Variants in PKN2 observed in about 807,000 individuals in gnomAD.
The protein encoded by PKN2 is protein kinase N2.
A neutral mutation model predicts 119.1 loss-of-function variants in PKN2; 38 were observed. The ratio of observed to expected loss-of-function variants is 0.32; its 90% CI spans 0.25 to 0.42. PKN2 has a LOEUF of 0.42. PKN2 is among the 10% of genes least tolerant of loss of function. PKN2 has a pLI of 1.00. For missense variants in PKN2, 850 were observed against 1,165.1 expected (o/e 0.73, Z 3.94); for synonymous variants, 390 against 384.9 (o/e 1.01, Z -0.15).
chr1:88,783,950 G>GT lies in PKN2; in HGVS notation c.986-688dup, dbSNP rs140214330. On this transcript the variant is annotated intron_variant, in intron 6 of 21. Transcript: ENST00000370521. ...TAAAGTTCTTTTCTGTGTTAACTAC[G>GT]TAACTATTAAACATAGTTGGTATTC... Among the ~76,000 whole-genome samples the GT allele has an allele frequency of 6.6e-3, 1,008 of 152,120 alleles. 10 individuals carry two copies. The highest frequency in any genetic ancestry group is 0.021 in the African/African-American group (852 of 41,490).
intron 1 of PKN2, among the ~76,000 whole-genome samples, chr1:88,718,461 T>C (rs1175694467): frequency 6.6e-6 from 1 of 152,226 alleles, no homozygotes; most frequent in Non-Finnish European, 1.5e-5. Flanking sequence ...TCAGTAGTTT[T>C]GTTTTGATGT....
intron 19 of PKN2, among the ~76,000 whole-genome samples, chr1:88,830,650 A>G (rs1570697680): frequency 6.6e-6 from 1 of 152,136 alleles, no homozygotes; most frequent in African/African-American, 2.4e-5. Flanking sequence ...ACTCCCTCCT[A>G]TTATAAAGCC....
intron 18 of PKN2, 72 bp from the exon 19 acceptor site, chr1:88,828,409 A>G: frequency 1.5e-6 from 2 of 1,369,976 alleles, no homozygotes; most frequent in Middle Eastern, 3.7e-4. Context: ...CCTCCCAAAG[A>G]TAGCTTTGAT....
At chr1:88,698,235 A>C (rs1336120073) in intron 1 of PKN2, among the ~76,000 whole-genome samples, 1 of 152,030 alleles carries the variant, frequency 6.6e-6, no homozygotes, top group East Asian at 1.9e-4. Context: ...CATCTTTTTA[A>C]AAGTGGGTCA....
intron 15 of PKN2, among the ~76,000 whole-genome samples, chr1:88,810,816 A>G (rs189686777): frequency 3.4e-4 from 52 of 152,160 alleles, no homozygotes; most frequent in African/African-American, 1.2e-3. Context: ...CATGTTGACC[A>G]GGCTGGTCTC....
intron 1 of PKN2, among the ~76,000 whole-genome samples, chr1:88,692,882 C>T (rs939976907): frequency 2.0e-5 from 3 of 152,126 alleles, no homozygotes; most frequent in Non-Finnish European, 4.4e-5. Context: ...ACATCGTTAT[C>T]ATCAACAGGC....
chr1:88,735,510 C>G (rs1304125011), intron 1 of PKN2, among the ~76,000 whole-genome samples: 1 of 147,710 alleles, frequency 6.8e-6, no homozygotes, highest in Non-Finnish European at 1.5e-5. Context: ...ATGATAAATT[C>G]TCTTAGTTTT....
intron 2 of PKN2, among the ~76,000 whole-genome samples, chr1:88,742,788 A>G (rs989960547): frequency 2.0e-5 from 3 of 152,046 alleles, no homozygotes; most frequent in Non-Finnish European, 4.4e-5. Context: ...ATTTAGAGAA[A>G]TTTTCCTCCT....
At chr1:88,797,517 C>T (rs777800812) in intron 8 of PKN2, among the ~76,000 whole-genome samples, 9 of 151,364 alleles carry the variant, frequency 5.9e-5, no homozygotes, top group Non-Finnish European at 1.2e-4. Flanking sequence ...TGGTGCACAC[C>T]TGTAGTCCCA....
chr1:88,816,012 C>T (rs370418694), intron 16 of PKN2, among the ~76,000 whole-genome samples: 7 of 151,702 alleles, frequency 4.6e-5, no homozygotes, highest in South Asian at 4.2e-4. Context: ...TGGTGGCAGG[C>T]GCCTGTAATC....
At chr1:88,688,807 A>G (rs755910764) in intron 1 of PKN2, among the ~76,000 whole-genome samples, 1 of 152,216 alleles carries the variant, frequency 6.6e-6, no homozygotes, top group Non-Finnish European at 1.5e-5. Context: ...TAGGTGCGCA[A>G]TACATTGATG....
Position 88,807,219 on chromosome 1 carries a change from TG to T in PKN2, c.1804-93del. On this transcript the variant is annotated intron_variant, in intron 12 of 21. Coordinates refer to ENST00000370521, the MANE Select transcript of PKN2 (RefSeq NM_006256.4). ...TTACTTTTCACTCCAACATTTATATTGACTTTTGAAATGTTTTTCCTTAATT... is the reference window on the plus strand; with the variant it reads ...TTACTTTTCACTCCAACATTTATATTACTTTTGAAATGTTTTTCCTTAATT... 4.2e-6 allele frequency: 4 copies of T among 946,518 alleles called. No homozygotes were observed. The South Asian group carries it at 6.4e-5, about 15-fold the overall frequency. 58.6% of individuals were successfully genotyped at this position (946,518 alleles called of 1,614,324 possible).
chr1:88,794,560 C>T (rs1670982760), intron 8 of PKN2, among the ~76,000 whole-genome samples: 1 of 152,090 alleles, frequency 6.6e-6, no homozygotes, highest in Admixed American at 6.6e-5. Flanking sequence ...GAGACCATGC[C>T]ACTGCATTCC....
At position 88,784,623 on chromosome 1, in the gene PKN2, T is replaced by A; in HGVS notation, c.986-16T>A. The A allele has an allele frequency of 1.3e-6, 2 of 1,524,854 alleles. No homozygotes were observed. 94.5% of individuals were successfully genotyped at this position (1,524,854 alleles called of 1,614,324 possible). A position where few individuals can be genotyped will look rare whatever the true frequency, so the allele number is the denominator to read the frequency against. Reference sequence around the variant, plus strand: ...AAGGGTTGATGTTCTTATCTGATATTTATGTTTGCCAACAGGTACTTTGGA... The same window carrying A: ...AAGGGTTGATGTTCTTATCTGATATATATGTTTGCCAACAGGTACTTTGGA... On this transcript the variant is annotated splice_polypyrimidine_tract_variant and intron_variant, in intron 6 of 21. Coordinates refer to ENST00000370521, the MANE Select transcript of PKN2 (RefSeq NM_006256.4).
intron 1 of PKN2, among the ~76,000 whole-genome samples, chr1:88,728,951 A>G (rs937903901): frequency 8.1e-5 from 12 of 148,642 alleles, no homozygotes; most frequent in Admixed American, 1.3e-4. Flanking sequence ...CTGGAGTGCA[A>G]TGACACGATC....
At chr1:88,709,286 C>T (rs1210977977) in intron 1 of PKN2, among the ~76,000 whole-genome samples, 1 of 152,060 alleles carries the variant, frequency 6.6e-6, no homozygotes, top group Non-Finnish European at 1.5e-5. Context: ...AATTCCTGAC[C>T]TCTAGTAATC....
In PKN2 at chr1:88,688,036, C is replaced by G. The variant is rs1217482299; in HGVS notation, c.48+3408C>G. 5.9e-5 allele frequency among the ~76,000 whole-genome samples: 9 copies of G among 152,008 alleles called. No individual in the cohort carries two copies. The South Asian group carries it at 1.9e-3, about 32-fold the overall frequency. On this transcript the variant is annotated intron_variant, in intron 1 of 21. Coordinates refer to ENST00000370521, the MANE Select transcript of PKN2 (RefSeq NM_006256.4). ...ATGTTAAGGAAATTGCTCATGGTTA[C>G]ATTGTGTGTCTGAGTTTGAACCCAG... is the stretch of plus-strand genomic sequence containing the variant.
At chr1:88,750,294 CAGGGTA>C (rs1264657748) in intron 2 of PKN2, among the ~76,000 whole-genome samples, 1 of 152,162 alleles carries the variant, frequency 6.6e-6, no homozygotes, top group Non-Finnish European at 1.5e-5. Flanking sequence ...ATCAAGGAAT[CAGGGTA>C]AGGCTAGACC....
chr1:88,827,778 G>T (rs1672568992), intron 18 of PKN2, among the ~76,000 whole-genome samples: 1 of 151,746 alleles, frequency 6.6e-6, no homozygotes, highest in East Asian at 1.9e-4. Context: ...GGAGTGCAAT[G>T]ACACAATCTC....
Sources: allele counts gnomAD v4.1 joint callset (sites outside exome capture counted in the v4.1 genomes callset), GRCh38; gene constraint gnomAD v4.1.1; transcripts MANE v1.5; gene names NCBI Gene and HGNC (gene_info 2026-07-23, HGNC 2026-07-21).